The following CYB5RL variants were observed in gnomAD, a reference collection of about 807,000 sequenced individuals.
CYB5RL encodes the protein cytochrome b5 reductase like, also known as NADH-cytochrome b5 reductase-like.
CYB5RL carries 38 observed loss-of-function variants against 37.5 expected under a neutral mutation model. The observed-to-expected ratio is 1.01, with a 90% CI of 0.78 to 1.33. The LOEUF (loss-of-function observed/expected upper bound fraction) is 1.33. Ranked by LOEUF, CYB5RL falls within the 40% of genes most tolerant of loss-of-function variation. The pLI is 0.00. For missense variants in CYB5RL, 388 were observed against 394.4 expected (o/e 0.98, Z 0.14); for synonymous variants, 141 against 151.9 (o/e 0.93, Z 0.53).
rs1351204776 is a variant in CYB5RL, at chr1:54,171,063, C to T, written c.*3556G>A. 1 of 447,282 alleles carries T rather than the reference C, an allele frequency of 2.2e-6. No individual in the cohort carries two copies. Among genetic ancestry groups the T allele is most frequent in the Admixed American group, 2.4e-5 (1 of 42,342 alleles). 27.7% of individuals were successfully genotyped at this position (447,282 alleles called of 1,614,324 possible). On this transcript the variant is annotated 3_prime_UTR_variant, in exon 8 of 8. Coordinates refer to ENST00000534324, the MANE Select transcript of CYB5RL (RefSeq NM_001031672.4). The stretch of plus-strand genomic sequence containing the variant: ...ATGCAGATGACACTTATGGGTACAG[C>T]GACAGAAAAGCACACAAGCCTCTCT...
At position 54,195,302 on chromosome 1, in the gene CYB5RL, T is replaced by A. The variant is rs567057705; in HGVS notation, c.198+117A>T. The A allele has an allele frequency of 2.1e-5, 26 of 1,222,556 alleles. No individual in the cohort carries two copies. In the African/African-American group the frequency reaches 2.9e-4, roughly 13 times the overall value. The allele number at this position is 1,222,556 out of a possible 1,614,324, so 75.7% of individuals were successfully genotyped here. A position where few individuals can be genotyped will look rare whatever the true frequency, so the allele number is the denominator to read the frequency against. On this transcript the variant is annotated intron_variant, in intron 3 of 7. Coordinates refer to ENST00000534324, the MANE Select transcript of CYB5RL (RefSeq NM_001031672.4). ...AGCCTAGATCTGTTTGCTTCTGTTATGCATACTCTTTTCTTCTGCTGTACA... is the reference window on the plus strand; with the variant it reads ...AGCCTAGATCTGTTTGCTTCTGTTAAGCATACTCTTTTCTTCTGCTGTACA...
At chr1:54,181,608 G>C (rs1557720158) in intron 6 of CYB5RL, among the ~76,000 whole-genome samples, 1 of 152,186 alleles carries the variant, frequency 6.6e-6, no homozygotes, top group Non-Finnish European at 1.5e-5. Flanking sequence ...ATTAAGGTGT[G>C]AGACACCATT....
In CYB5RL at chr1:54,184,230, C is replaced by T; in HGVS notation, c.471G>A (p.Glu157=). Residue 157 remains glutamate (E), a synonymous_variant, in exon 6 of 8, where the codon GAG becomes GAA. Coordinates refer to ENST00000534324, the MANE Select transcript of CYB5RL (RefSeq NM_001031672.4). The stretch of plus-strand genomic sequence containing the variant: ...AAGCTGTGTCTCCTACTCTCCAGGA[C>T]TCAACATACCGGGACATCAGCCCCA... ...YQMGLMSRYV[E]SWRVGDTAFW... is the part of the protein sequence containing the mutation. The T allele has an allele frequency of 6.2e-7, 1 of 1,613,836 alleles. No homozygotes were observed. Among genetic ancestry groups the T allele is most frequent in the Non-Finnish European group, 8.5e-7 (1 of 1,179,828 alleles).
rs138099016 is a variant in CYB5RL at position 54,189,898 on chromosome 1, G to T, written c.347+850C>A. ...CCACCTTCTCCTCTGGCCGCACCTT[G>T]CTTCCTTTGCTGGCTCCTCCTCCTC... On this transcript the variant is annotated intron_variant, in intron 4 of 7. Transcript: ENST00000534324. 4.1e-4 allele frequency among the ~76,000 whole-genome samples: 62 copies of T among 152,344 alleles called. 1 individual carries two copies. In the East Asian group the frequency reaches 0.012, roughly 28 times the overall value.
chr1:54,185,840 C>T (rs1270308932), intron 5 of CYB5RL: 1 of 152,320 alleles, frequency 6.6e-6, no homozygotes, highest in Non-Finnish European at 1.5e-5. Context: ...ATCTTGAATT[C>T]CCATGTGTTG....
intron 5 of CYB5RL, 80 bp from the exon 6 acceptor site, chr1:54,184,345 C>T (rs1660239738): frequency 8.3e-7 from 1 of 1,203,298 alleles, no homozygotes; most frequent in Admixed American, 2.0e-5. Context: ...AATGTGGAGC[C>T]CGTTCTGTAT....
intron 6 of CYB5RL, among the ~76,000 whole-genome samples, chr1:54,181,278 C>G (rs1336270142): frequency 6.6e-6 from 1 of 152,186 alleles, no homozygotes; most frequent in African/African-American, 2.4e-5. Flanking sequence ...TCCCTCTGAA[C>G]CACACTGGCC....
Position 54,171,487 on chromosome 1 carries a change from G to C in CYB5RL, c.*3132C>G. Reference sequence around the variant, plus strand: ...GGAGACCCATGAGGGGAACACAGAAGTGACGTTGGTAAACATGGTGAGGGC... The same window carrying C: ...GGAGACCCATGAGGGGAACACAGAACTGACGTTGGTAAACATGGTGAGGGC... On this transcript the variant is annotated 3_prime_UTR_variant, in exon 8 of 8. Transcript: ENST00000534324. The C allele has an allele frequency of 4.4e-6, 2 of 452,742 alleles. No individual in the cohort carries two copies. Among genetic ancestry groups the C allele is most frequent in the Non-Finnish European group, 8.9e-6 (2 of 224,482 alleles). The allele number at this position is 452,742 out of a possible 1,614,324, so 28.0% of individuals were successfully genotyped here.
chr1:54,182,237 T>C (rs891033461), intron 6 of CYB5RL, among the ~76,000 whole-genome samples: 3 of 152,254 alleles, frequency 2.0e-5, no homozygotes, highest in Admixed American at 6.5e-5. Flanking sequence ...AATGGGGTTG[T>C]AGCACCTAAG....
At chr1:54,192,112 T>TA (rs1013792398) in intron 3 of CYB5RL, among the ~76,000 whole-genome samples, 3 of 152,134 alleles carry the variant, frequency 2.0e-5, no homozygotes, top group Non-Finnish European at 2.9e-5. Flanking sequence ...CATTAAAAGT[T>TA]AAAAAAATTG....
Position 54,174,828 on chromosome 1 carries a change from A to C in CYB5RL, c.745-6T>G. ...AGCTGCTCTGAGGAGCTCTCCTGGG[A>C]AGACAAGAAAGGCATGGGTGACTAC... On this transcript the variant is annotated splice_polypyrimidine_tract_variant and splice_region_variant and intron_variant, in intron 7 of 7. Transcript: ENST00000534324. 1 of 1,610,938 alleles carries C rather than the reference A, an allele frequency of 6.2e-7. No individual in the cohort carries two copies. Among genetic ancestry groups the C allele is most frequent in the African/African-American group, 1.3e-5 (1 of 74,896 alleles).
chr1:54,181,354 C>G (rs568707112), intron 6 of CYB5RL, among the ~76,000 whole-genome samples: 1 of 152,236 alleles, frequency 6.6e-6, no homozygotes, highest in Non-Finnish European at 1.5e-5. Context: ...TTCTGGAGAA[C>G]AGGGGACTCA....
intron 5 of CYB5RL, 112 bp downstream of exon 5, chr1:54,187,540 T>A: frequency 9.9e-7 from 1 of 1,008,674 alleles, no homozygotes; most frequent in African/African-American, 1.6e-5. Context: ...ATTGCCTTTG[T>A]CCATGTTGTT....
intron 6 of CYB5RL, among the ~76,000 whole-genome samples, chr1:54,182,216 C>A (rs1010155360): frequency 6.6e-6 from 1 of 152,152 alleles, no homozygotes; most frequent in African/African-American, 2.4e-5. Flanking sequence ...ATGCATAGCA[C>A]ATATCTGTAG....
At chr1:54,195,256 T>C (rs1643995943) in intron 3 of CYB5RL, among the ~76,000 whole-genome samples, 163 bp downstream of exon 3, 1 of 152,254 alleles carries the variant, frequency 6.6e-6, no homozygotes, top group Admixed American at 6.5e-5. Flanking sequence ...GCTAATAAGT[T>C]TGCTTCAGGG....
chr1:54,180,420 C>A (rs996325500), intron 6 of CYB5RL, among the ~76,000 whole-genome samples: 1 of 151,366 alleles, frequency 6.6e-6, no homozygotes, highest in South Asian at 2.1e-4. Flanking sequence ...CTGGCTAACA[C>A]GGTGAAACCC....
chr1:54,183,948 C>T (rs1660226164), intron 6 of CYB5RL: 1 of 285,268 alleles, frequency 3.5e-6, no homozygotes, highest in African/African-American at 2.2e-5. Context: ...GCACTCCAGC[C>T]TGGGCAACAA....
chr1:54,182,050 C>T (rs979666937), intron 6 of CYB5RL, among the ~76,000 whole-genome samples: 2 of 152,198 alleles, frequency 1.3e-5, no homozygotes, highest in East Asian at 1.9e-4. Context: ...CCAGAAAAGG[C>T]GGTCAAGACA....
chr1:54,180,261 C>A (rs987461562), intron 6 of CYB5RL: 2 of 392,400 alleles, frequency 5.1e-6, no homozygotes, highest in East Asian at 7.3e-5. Context: ...AAGGTGAGTT[C>A]CCACCCCAGG....
Sources: allele counts gnomAD v4.1 joint callset (sites outside exome capture counted in the v4.1 genomes callset), GRCh38; gene constraint gnomAD v4.1.1; transcripts MANE v1.5; gene names NCBI Gene and HGNC (gene_info 2026-07-23, HGNC 2026-07-21).